Variants in SLC26A7 observed in about 807,000 individuals in gnomAD.
The protein encoded by SLC26A7 is solute carrier family 26 member 7.
In SLC26A7, 59 loss-of-function variants were observed where a neutral mutation model predicts 82.5. That is an observed-to-expected ratio of 0.72 (90% CI 0.58 to 0.89). The LOEUF (loss-of-function observed/expected upper bound fraction) is 0.89, where lower values mean the gene tolerates loss of function less well. Ranked by LOEUF, SLC26A7 falls within the 40% of genes least tolerant of loss-of-function variation. SLC26A7 has a pLI of 0.00. For synonymous variants in SLC26A7, 271 were observed against 274.3 expected (o/e 0.99, Z 0.12); for missense variants, 820 against 793.0 (o/e 1.03, Z -0.41).
At chr8:91,355,261 G>A (rs919804983) in intron 11 of SLC26A7, among the ~76,000 whole-genome samples, 14 of 152,100 alleles carry the variant, frequency 9.2e-5, no homozygotes, top group Middle Eastern at 3.4e-3. Context: ...ATATCACTGT[G>A]GTTGAGCACT....
rs755336667 is a variant in SLC26A7, at chr8:91,295,581, G to A, written c.355G>A (p.Val119Ile). Residue 119 changes from valine to isoleucine, a missense_variant, in exon 4 of 19, where the codon GTC becomes ATC. Transcript: ENST00000276609. The part of the protein sequence containing the change: ...LISANAVERI[V>I]PQNMQNLTTQ... ...ATCAGCCAACGCCGTGGAACGGATT[G>A]TCCCTCAGAACATGCAGAATCTCAC... 4.3e-6 allele frequency: 7 copies of A among 1,613,922 alleles called. No individual in the cohort carries two copies. Among genetic ancestry groups the A allele is most frequent in the African/African-American group, 1.3e-5 (1 of 74,914 alleles).
At chr8:91,260,716 A>G (rs1291912967) in intron 2 of SLC26A7, among the ~76,000 whole-genome samples, 1 of 152,020 alleles carries the variant, frequency 6.6e-6, no homozygotes, top group Non-Finnish European at 1.5e-5. Context: ...TTAAGCTCTT[A>G]GGTCTGTTGG....
At chr8:91,241,074 A>G (rs557641870) in intron 2 of SLC26A7, among the ~76,000 whole-genome samples, 1 of 152,290 alleles carries the variant, frequency 6.6e-6, no homozygotes, top group South Asian at 2.1e-4. Context: ...ATCTGGATAA[A>G]GATTTATTCT....
intron 2 of SLC26A7, among the ~76,000 whole-genome samples, chr8:91,270,314 C>T (rs1032615241): frequency 2.1e-4 from 32 of 152,152 alleles, no homozygotes; most frequent in African/African-American, 7.7e-4. Flanking sequence ...GTAGTGAGCA[C>T]CAGAACTTAA....
chr8:91,377,613 G>T (rs1814552588), intron 15 of SLC26A7, among the ~76,000 whole-genome samples: 1 of 152,136 alleles, frequency 6.6e-6, no homozygotes. Context: ...TGTGTGAGCT[G>T]GTCACCTGGT....
intron 15 of SLC26A7, among the ~76,000 whole-genome samples, chr8:91,371,702 T>G (rs9297894): frequency 0.97 from 147,829 of 152,068 alleles, 71,990 homozygotes; most frequent in East Asian, 1. Flanking sequence ...GACTGCAGGA[T>G]TTTCTTTGAT....
intron 2 of SLC26A7, among the ~76,000 whole-genome samples, chr8:91,256,206 C>T (rs747327524): frequency 8.6e-5 from 13 of 152,040 alleles, no homozygotes; most frequent in African/African-American, 2.4e-4. Context: ...AATTGTGCCC[C>T]GGCATTGAGG....
chr8:91,292,562 T>C (rs73694622), intron 3 of SLC26A7, among the ~76,000 whole-genome samples: 3,735 of 152,244 alleles, frequency 0.025, 160 homozygotes, highest in African/African-American at 0.081. Flanking sequence ...TTATTTGGGA[T>C]TTTGCCTTCA....
At chr8:91,244,191 C>T (rs543596908) in intron 2 of SLC26A7, among the ~76,000 whole-genome samples, 12 of 152,112 alleles carry the variant, frequency 7.9e-5, no homozygotes, top group Admixed American at 2.0e-4. Flanking sequence ...AGCCATGATA[C>T]GGCCATAGTT....
chr8:91,222,262 G>A (rs1328086357), intron 2 of SLC26A7, among the ~76,000 whole-genome samples: 1 of 151,806 alleles, frequency 6.6e-6, no homozygotes, highest in Non-Finnish European at 1.5e-5. Flanking sequence ...AGTTCAAGAA[G>A]TTGGGCTGAG....
At chr8:91,228,310 A>C (rs1310976919) in intron 2 of SLC26A7, among the ~76,000 whole-genome samples, 1 of 152,226 alleles carries the variant, frequency 6.6e-6, no homozygotes, top group Non-Finnish European at 1.5e-5. Flanking sequence ...TGAGCTATGA[A>C]AACTAAAAGA....
intron 2 of SLC26A7, among the ~76,000 whole-genome samples, chr8:91,222,197 G>A (rs927037575): frequency 2.6e-5 from 4 of 152,150 alleles, no homozygotes; most frequent in African/African-American, 9.7e-5. Flanking sequence ...GTATAGGAAT[G>A]CTTGTGATTT....
intron 2 of SLC26A7, among the ~76,000 whole-genome samples, chr8:91,259,619 T>C (rs575210704): frequency 1.3e-5 from 2 of 152,080 alleles, no homozygotes; most frequent in Non-Finnish European, 2.9e-5. Context: ...CATCATATGC[T>C]CTGCCTATAT....
chr8:91,335,871 A>G (rs1813226468), intron 6 of SLC26A7, among the ~76,000 whole-genome samples: 1 of 152,144 alleles, frequency 6.6e-6, no homozygotes, highest in African/African-American at 2.4e-5. Context: ...TTCTGCCAGT[A>G]TGTGGCAGCG....
chr8:91,300,219 C>A (rs1344475985), intron 4 of SLC26A7, among the ~76,000 whole-genome samples: 1 of 152,028 alleles, frequency 6.6e-6, no homozygotes, highest in Non-Finnish European at 1.5e-5. Context: ...AGTTTATTCC[C>A]AAGGATTTAA....
rs1422695887 is a variant in SLC26A7, at chr8:91,334,436, G to C, written c.784G>C (p.Asp262His). 2.5e-6 allele frequency: 4 copies of C among 1,611,420 alleles called. No individual in the cohort carries two copies. Among genetic ancestry groups the C allele is most frequent in the Admixed American group, 3.4e-5 (2 of 59,700 alleles). Residue 262 changes from aspartate to histidine, a missense_variant, in exon 6 of 19, where the codon GAT becomes CAT. Asp to His is a moderately conservative substitution (Grantham distance 81). Transcript: ENST00000276609. Reference sequence around the variant, plus strand: ...GAAAATTAAAGTTGTTCTTCCTGTAGATTTAGTTTTGGTAAGTATAAAATC... The same window carrying C: ...GAAAATTAAAGTTGTTCTTCCTGTACATTTAGTTTTGGTAAGTATAAAATC... Reference protein sequence around the residue: ...KRKIKVVLPVDLVLIIAASFA... With the variant: ...KRKIKVVLPVHLVLIIAASFA...
chr8:91,266,647 C>T (rs1329988300), intron 2 of SLC26A7, among the ~76,000 whole-genome samples: 1 of 151,808 alleles, frequency 6.6e-6, no homozygotes, highest in Non-Finnish European at 1.5e-5. Context: ...GTGGTGGAGA[C>T]TTTAGGATTT....
chr8:91,305,635 C>A (rs1812284448), intron 4 of SLC26A7, among the ~76,000 whole-genome samples: 1 of 151,806 alleles, frequency 6.6e-6, no homozygotes, highest in Admixed American at 6.5e-5. Context: ...CTAGTTTCTT[C>A]TTGAAGTGTC....
At chr8:91,349,398 A>C (rs1313258580) in intron 9 of SLC26A7, among the ~76,000 whole-genome samples, 1 of 152,178 alleles carries the variant, frequency 6.6e-6, no homozygotes, top group East Asian at 1.9e-4. Context: ...ATTGTTGTTA[A>C]TGAACATACA....
Sources: allele counts gnomAD v4.1 joint callset (sites outside exome capture counted in the v4.1 genomes callset), GRCh38; gene constraint gnomAD v4.1.1; transcripts MANE v1.5; gene names NCBI Gene and HGNC (gene_info 2026-07-23, HGNC 2026-07-21).